The following PCDHGB1 variants were observed in gnomAD, a reference collection of about 807,000 sequenced individuals.
The protein encoded by PCDHGB1 is protocadherin gamma-B1.
A neutral mutation model predicts 56.6 loss-of-function variants in PCDHGB1; 34 were observed. The ratio of observed to expected loss-of-function variants is 0.60; its 90% CI spans 0.46 to 0.80. The LOEUF (loss-of-function observed/expected upper bound fraction) is 0.80, where lower values mean the gene tolerates loss of function less well. Among genes scored for constraint, PCDHGB1 ranks in the 30% least tolerant of loss-of-function variants. The pLI is 0.00. For synonymous variants in PCDHGB1, 561 were observed against 505.9 expected (o/e 1.11, Z -1.46); for missense variants, 1,278 against 1,204.6 (o/e 1.06, Z -0.90).
At chr5:141,396,813 T>A (rs1031435038) in intron 1 of PCDHGB1, among the ~76,000 whole-genome samples, 3 of 152,240 alleles carry the variant, frequency 2.0e-5, no homozygotes, top group Admixed American at 6.5e-5. Context: ...AGTGTTCTAC[T>A]GTATGGTGCA....
chr5:141,360,034 G>A (rs1436602507), intron 1 of PCDHGB1: 2 of 1,398,676 alleles, frequency 1.4e-6, no homozygotes, highest in African/African-American at 1.5e-5. Flanking sequence ...GTATAGATTC[G>A]GAAACAGAAA....
intron 1 of PCDHGB1, chr5:141,365,046 C>A (rs753242901): frequency 6.2e-7 from 1 of 1,613,884 alleles, no homozygotes; most frequent in Admixed American, 1.7e-5. Context: ...AACGACAATG[C>A]GCCCCTGTTC....
At chr5:141,468,415 G>A (rs1040067190) in intron 1 of PCDHGB1, 5 of 151,704 alleles carry the variant, frequency 3.3e-5, no homozygotes, top group Non-Finnish European at 7.4e-5. Context: ...TAATAAGTTA[G>A]ATAGCAAGGT....
At chr5:141,446,604 G>C (rs1226194089) in intron 1 of PCDHGB1, among the ~76,000 whole-genome samples, 1 of 152,134 alleles carries the variant, frequency 6.6e-6, no homozygotes, top group Non-Finnish European at 1.5e-5. Flanking sequence ...AGCCTCCTGA[G>C]TAGCTGGGAC....
chr5:141,371,147 T>G (rs1383396635), intron 1 of PCDHGB1: 1 of 1,614,026 alleles, frequency 6.2e-7, no homozygotes, highest in South Asian at 1.1e-5. Context: ...GGGTCAATGT[T>G]GCAGAGAACC....
chr5:141,408,344 G>A, intron 1 of PCDHGB1: 1 of 1,613,958 alleles, frequency 6.2e-7, no homozygotes, highest in East Asian at 2.2e-5. Flanking sequence ...CTCGGTGGTG[G>A]GGAACCTCGC....
intron 1 of PCDHGB1, among the ~76,000 whole-genome samples, chr5:141,435,232 G>A (rs1317217213): frequency 6.6e-6 from 1 of 152,062 alleles, no homozygotes; most frequent in Non-Finnish European, 1.5e-5. Context: ...TCAAAGTTCA[G>A]TAATTCTTTC....
In PCDHGB1 at chr5:141,375,919, C is replaced by A. The variant is rs746123042; in HGVS notation, c.2409+23250C>A. Reference sequence around the variant, plus strand: ...TGTCCTACCGCCTGCTCAAGGCCAGCGAGCCAGGACTTTTCTCAGTGGGCC... The same window carrying A: ...TGTCCTACCGCCTGCTCAAGGCCAGAGAGCCAGGACTTTTCTCAGTGGGCC... On this transcript the variant is annotated intron_variant, in intron 1 of 3. Coordinates refer to ENST00000523390, the MANE Select transcript of PCDHGB1 (RefSeq NM_018922.3). 2.5e-5 allele frequency: 40 copies of A among 1,613,612 alleles called. No homozygotes were observed. In the Middle Eastern group the frequency reaches 8.4e-4, roughly 34 times the overall value.
intron 1 of PCDHGB1, among the ~76,000 whole-genome samples, chr5:141,444,982 A>G (rs10066383): frequency 7.1e-4 from 108 of 152,272 alleles, no homozygotes; most frequent in African/African-American, 2.5e-3. Flanking sequence ...ATCCATGAAC[A>G]TGGTATATAT....
chr5:141,419,334 T>C (rs1260087339), intron 1 of PCDHGB1: 3 of 1,613,870 alleles, frequency 1.9e-6, no homozygotes, highest in Non-Finnish European at 8.5e-7. Flanking sequence ...TACTCTCTCA[T>C]TGCCAGCGAC....
intron 1 of PCDHGB1, chr5:141,357,294 C>A: frequency 1.2e-6 from 2 of 1,613,992 alleles, no homozygotes; most frequent in Non-Finnish European, 1.7e-6. Flanking sequence ...TGGCAGTGGC[C>A]GCTGTCTCCT....
chr5:141,352,070 G>T lies in PCDHGB1; in HGVS notation c.1810G>T (p.Val604Leu), dbSNP rs747997460. Reference protein sequence around the residue: ...SGHNAWLSYHVLQASEPGLFS... With the variant: ...SGHNAWLSYHLLQASEPGLFS... ...ACACAACGCTTGGCTGTCCTACCAC[G>T]TGCTGCAGGCCAGCGAGCCCGGGCT... is the stretch of plus-strand genomic sequence containing the variant. The change falls in exon 1 of 4, where the codon GTG becomes TTG. Residue 604 changes from valine to leucine, a missense_variant. Transcript: ENST00000523390. 3 of 1,605,388 alleles carry T rather than the reference G, an allele frequency of 1.9e-6. No homozygotes were observed. In the South Asian group the frequency reaches 3.3e-5, roughly 18 times the overall value.
chr5:141,427,467 T>TC, intron 1 of PCDHGB1: 1 of 508,052 alleles, frequency 2.0e-6, no homozygotes. Flanking sequence ...AATCGAATCT[T>TC]CCGCCAATAA....
chr5:141,365,250 T>C, intron 1 of PCDHGB1: 1 of 1,613,976 alleles, frequency 6.2e-7, no homozygotes, highest in Non-Finnish European at 8.5e-7. Flanking sequence ...CTACAATCAC[T>C]GGACTATGAA....
At chr5:141,357,005 C>T in intron 1 of PCDHGB1, 1 of 1,614,148 alleles carries the variant, frequency 6.2e-7, no homozygotes, top group Non-Finnish European at 8.5e-7. Flanking sequence ...GGTCAGAATG[C>T]CTGGCTGTCC....
intron 1 of PCDHGB1, among the ~76,000 whole-genome samples, chr5:141,447,143 T>G (rs1484774611): frequency 2.6e-5 from 4 of 152,132 alleles, no homozygotes; most frequent in Admixed American, 6.6e-5. Flanking sequence ...TTGTTTTTTG[T>G]TTTTGTTTTT....
intron 1 of PCDHGB1, chr5:141,389,625 G>C: frequency 6.2e-7 from 1 of 1,613,020 alleles, no homozygotes; most frequent in Non-Finnish European, 8.5e-7. Flanking sequence ...GCACGCTGCA[G>C]AGCCTGGCTA....
chr5:141,413,014 A>T, intron 1 of PCDHGB1: 1 of 663,842 alleles, frequency 1.5e-6, no homozygotes, highest in Non-Finnish European at 2.4e-6. Context: ...CTTCAACTAC[A>T]CAAGCCCCAC....
At chr5:141,413,661 T>G (rs2095664313) in intron 1 of PCDHGB1, 1 of 1,613,886 alleles carries the variant, frequency 6.2e-7, no homozygotes. Flanking sequence ...CGGAAGCTAT[T>G]GATCCGGATG....
Sources: allele counts gnomAD v4.1 joint callset (sites outside exome capture counted in the v4.1 genomes callset), GRCh38; gene constraint gnomAD v4.1.1; transcripts MANE v1.5; gene names NCBI Gene and HGNC (gene_info 2026-07-23, HGNC 2026-07-21).